RBFOX1: variants seen among roughly 807,000 people sequenced by gnomAD.
RBFOX1 encodes RNA binding fox-1 homolog 1, also known as RNA binding protein fox-1 homolog 1.
Under a neutral mutation model 57.7 loss-of-function variants are expected in RBFOX1, and 8 were observed. The ratio of observed to expected loss-of-function variants is 0.14; its 90% CI spans 0.08 to 0.25. RBFOX1 has a LOEUF of 0.25. Ranked by LOEUF, RBFOX1 falls within the 10% of genes least tolerant of loss-of-function variation. RBFOX1 has a pLI of 1.00. For missense variants in RBFOX1, 611 were observed against 548.5 expected (o/e 1.11, Z -1.14); for synonymous variants, 326 against 222.4 (o/e 1.47, Z -4.15).
chr16:6,356,301 G>T (rs935489505), intron 2 of RBFOX1, among the ~76,000 whole-genome samples: 4 of 152,186 alleles, frequency 2.6e-5, no homozygotes, highest in Non-Finnish European at 5.9e-5. Context: ...TCAGCCAACA[G>T]ATCAGGGTCA....
intron 2 of RBFOX1, among the ~76,000 whole-genome samples, chr16:6,408,269 T>C (rs1429148308): frequency 1.3e-5 from 2 of 152,084 alleles, no homozygotes; most frequent in African/African-American, 4.8e-5. Flanking sequence ...AGTGCTGTTG[T>C]TTGAGCTTAA....
At chr16:7,690,323 A>T (rs2077044355) in intron 14 of RBFOX1, among the ~76,000 whole-genome samples, 1 of 152,082 alleles carries the variant, frequency 6.6e-6, no homozygotes, top group African/African-American at 2.4e-5. Flanking sequence ...CATTAGAATC[A>T]CTTGGAAGCA....
intron 1 of RBFOX1, among the ~76,000 whole-genome samples, chr16:6,121,625 A>C (rs1457529145): frequency 1.3e-5 from 2 of 152,092 alleles, no homozygotes; most frequent in African/African-American, 4.8e-5. Flanking sequence ...TCTGAGGCTC[A>C]ACTCAGTGGG....
At chr16:6,406,818 A>C (rs1307801128) in intron 2 of RBFOX1, among the ~76,000 whole-genome samples, 1 of 152,132 alleles carries the variant, frequency 6.6e-6, no homozygotes, top group Non-Finnish European at 1.5e-5. Context: ...GGAAAACTTA[A>C]ATAGACCAAC....
At chr16:6,824,191 G>A (rs2091787319) in intron 3 of RBFOX1, among the ~76,000 whole-genome samples, 1 of 152,202 alleles carries the variant, frequency 6.6e-6, no homozygotes, top group African/African-American at 2.4e-5. Flanking sequence ...GATCACCTGA[G>A]GTCAGGAGTT....
chr16:7,275,217 A>G (rs932845222), intron 4 of RBFOX1, among the ~76,000 whole-genome samples: 2 of 152,158 alleles, frequency 1.3e-5, no homozygotes, highest in Non-Finnish European at 2.9e-5. Flanking sequence ...CACATGCTAC[A>G]CTACTAACTC....
intron 2 of RBFOX1, among the ~76,000 whole-genome samples, chr16:6,472,634 T>C (rs1032153037): frequency 3.9e-5 from 6 of 151,998 alleles, no homozygotes; most frequent in Non-Finnish European, 5.9e-5. Flanking sequence ...TTCTTTCTTT[T>C]TTTTTTTTCA....
intron 3 of RBFOX1, among the ~76,000 whole-genome samples, chr16:6,899,251 G>C (rs887623263): frequency 6.6e-6 from 1 of 151,892 alleles, no homozygotes; most frequent in African/African-American, 2.4e-5. Flanking sequence ...GTATGTTTGC[G>C]TGCATGTGTG....
chr16:5,751,096 G>T (rs2053182550), intron 3 of RBFOX1, among the ~76,000 whole-genome samples: 1 of 152,158 alleles, frequency 6.6e-6, no homozygotes, highest in Non-Finnish European at 1.5e-5. Context: ...GCCCACCTCG[G>T]CCTCCTAAAG....
intron 2 of RBFOX1, among the ~76,000 whole-genome samples, chr16:6,407,566 T>TCACA (rs1555459681): frequency 6.4e-4 from 14 of 21,934 alleles, no homozygotes; most frequent in East Asian, 5.8e-3. Flanking sequence ...TGTGTGTGTG[T>TCACA]GACAGAGAGA....
chr16:5,321,690 C>T (rs547437987), intron 1 of RBFOX1, among the ~76,000 whole-genome samples: 37 of 152,034 alleles, frequency 2.4e-4, no homozygotes, highest in Admixed American at 1.8e-3. Context: ...TGGTGGTGGC[C>T]GTCATGGTCC....
intron 14 of RBFOX1, among the ~76,000 whole-genome samples, chr16:7,704,580 A>G (rs1267223049): frequency 6.6e-6 from 1 of 152,104 alleles, no homozygotes; most frequent in East Asian, 1.9e-4. Flanking sequence ...CTCTACCTGC[A>G]CTGTTCTAGA....
chr16:5,502,963 G>C (rs935983078), intron 2 of RBFOX1, among the ~76,000 whole-genome samples: 4 of 152,216 alleles, frequency 2.6e-5, no homozygotes, highest in Non-Finnish European at 5.9e-5. Flanking sequence ...CGATTGCTTG[G>C]ATCATTCTAT....
chr16:6,781,483 A>G (rs896398677), intron 3 of RBFOX1, among the ~76,000 whole-genome samples: 1 of 152,108 alleles, frequency 6.6e-6, no homozygotes, highest in African/African-American at 2.4e-5. Flanking sequence ...ATTTTTTAGA[A>G]TAGTTTGAAT....
At position 6,325,087 on chromosome 16, in the gene RBFOX1, G is replaced by A. The variant is rs557363802; in HGVS notation, c.-64+8030G>A. On this transcript the variant is annotated intron_variant, in intron 2 of 15. Transcript: ENST00000550418. ...TACAGGAAAGGTACCCAGGCATGGT[G>A]GCTCATGCTTATAAGCCCAGAACTT... Among the ~76,000 whole-genome samples the A allele has an allele frequency of 2.6e-5, 4 of 152,312 alleles. No homozygotes were observed. The South Asian group carries it at 8.3e-4, about 32-fold the overall frequency.
chr16:6,978,210 T>C (rs2087646782), intron 3 of RBFOX1, among the ~76,000 whole-genome samples: 1 of 152,144 alleles, frequency 6.6e-6, no homozygotes, highest in African/African-American at 2.4e-5. Flanking sequence ...TCGGTTGCAG[T>C]TCGAAATGCT....
At chr16:5,657,732 CTTTTCTTTTTTT>C (rs1434300517) in intron 3 of RBFOX1, among the ~76,000 whole-genome samples, 2 of 98,352 alleles carry the variant, frequency 2.0e-5, no homozygotes, top group Non-Finnish European at 3.8e-5. Flanking sequence ...TGTTTCTTTT[CTTTTCTTTTTTT>C]TTTTTTGAGA....
intron 2 of RBFOX1, among the ~76,000 whole-genome samples, chr16:6,376,898 C>T (rs781088849): frequency 6.6e-6 from 1 of 152,080 alleles, no homozygotes; most frequent in Non-Finnish European, 1.5e-5. Context: ...CGAGATGTGT[C>T]ACTCCAATCT....
chr16:5,492,602 A>G (rs1188947741), intron 2 of RBFOX1, among the ~76,000 whole-genome samples: 1 of 152,218 alleles, frequency 6.6e-6, no homozygotes, highest in Non-Finnish European at 1.5e-5. Flanking sequence ...TCCTGTGGCC[A>G]GAAGGACTTG....
Sources: allele counts gnomAD v4.1 joint callset (sites outside exome capture counted in the v4.1 genomes callset), GRCh38; gene constraint gnomAD v4.1.1; transcripts MANE v1.5; gene names NCBI Gene and HGNC (gene_info 2026-07-23, HGNC 2026-07-21).